The following WAC variants were observed in gnomAD, a reference collection of about 807,000 sequenced individuals.
WAC encodes WW domain-containing adapter protein with coiled-coil.
A neutral mutation model predicts 79.6 loss-of-function variants in WAC; 11 were observed. The observed-to-expected ratio is 0.14, with a 90% confidence interval of 0.09 to 0.23. WAC has a LOEUF of 0.23. Ranked by LOEUF, WAC falls within the 10% of genes least tolerant of loss-of-function variation. WAC has a pLI of 1.00. For synonymous variants in WAC, 304 were observed against 276.9 expected (o/e 1.10, Z -0.97); for missense variants, 728 against 773.5 (o/e 0.94, Z 0.70).
At chr10:28,604,771 A>G (rs562335876) in intron 7 of WAC, among the ~76,000 whole-genome samples, 134 of 152,340 alleles carry the variant, frequency 8.8e-4, no homozygotes, top group African/African-American at 3.0e-3. Flanking sequence ...TCATGTTCCT[A>G]GTACAAAGGA....
At position 28,535,667 on chromosome 10, in the gene WAC, T is replaced by A. The variant is rs1325859072; in HGVS notation, c.184T>A (p.Ser62Thr). ...PSPPNKMLRRSDSPENKYSDS... is the reference protein window; with the variant it reads ...PSPPNKMLRRTDSPENKYSDS... ...ACCACCAAATAAAATGTTGCGGAGATCTGATAGTCCTGAAAACAAATACAG... is the reference window on the plus strand; with the variant it reads ...ACCACCAAATAAAATGTTGCGGAGAACTGATAGTCCTGAAAACAAATACAG... Residue 62 changes from serine (S) to threonine (T), a missense_variant, in exon 3 of 14, where the codon TCT becomes ACT. By Grantham distance (58) the Ser-to-Thr change is moderately conservative. Transcript: ENST00000354911. 6.2e-7 allele frequency: 1 copy of A among 1,614,042 alleles called. No homozygotes were observed. The highest frequency in any genetic ancestry group is 8.5e-7 in the Non-Finnish European group (1 of 1,179,998).
intron 3 of WAC, among the ~76,000 whole-genome samples, chr10:28,542,600 C>G (rs1021148971): frequency 1.3e-5 from 2 of 152,152 alleles, no homozygotes; most frequent in Non-Finnish European, 2.9e-5. Flanking sequence ...GGTTGCAGTT[C>G]ATGAATTACT....
intron 3 of WAC, among the ~76,000 whole-genome samples, chr10:28,576,359 T>C (rs1839245076): frequency 6.6e-6 from 1 of 152,198 alleles, no homozygotes; most frequent in African/African-American, 2.4e-5. Flanking sequence ...GTGTTTCATC[T>C]AGCGTTTATC....
At chr10:28,617,409 A>T (rs767529615) in intron 12 of WAC, among the ~76,000 whole-genome samples, 1 of 152,238 alleles carries the variant, frequency 6.6e-6, no homozygotes, top group Non-Finnish European at 1.5e-5. Flanking sequence ...GTGCTGTATT[A>T]GCTTCAGGTT....
intron 3 of WAC, among the ~76,000 whole-genome samples, chr10:28,561,255 A>T (rs984676920): frequency 6.6e-6 from 1 of 152,198 alleles, no homozygotes; most frequent in African/African-American, 2.4e-5. Flanking sequence ...ATACAAGGTG[A>T]TGATCAGCTA....
At chr10:28,577,177 T>C (rs1162458776) in intron 3 of WAC, among the ~76,000 whole-genome samples, 5 of 152,202 alleles carry the variant, frequency 3.3e-5, no homozygotes, top group Middle Eastern at 3.2e-3. Flanking sequence ...TTTCTTGATA[T>C]ACAGTTGGTA....
intron 3 of WAC, among the ~76,000 whole-genome samples, chr10:28,572,992 G>T (rs1380695377): frequency 6.6e-6 from 1 of 152,132 alleles, no homozygotes; most frequent in Non-Finnish European, 1.5e-5. Context: ...CCACAGGTGG[G>T]CCCCCACCTA....
At chr10:28,617,615 T>C (rs1841527992) in intron 12 of WAC, 42 bp from the exon 13 acceptor site, 5 of 1,503,216 alleles carry the variant, frequency 3.3e-6, no homozygotes, top group Non-Finnish European at 4.4e-6. Context: ...TTGTGTATGT[T>C]AATGTTTATA....
chr10:28,594,017 ATACCTCCCC>A (rs1163761824), intron 6 of WAC, among the ~76,000 whole-genome samples: 6 of 152,224 alleles, frequency 3.9e-5, no homozygotes, highest in Non-Finnish European at 8.8e-5. Context: ...TGCCAGTAGC[ATACCTCCCC>A]TCTCTCCAGT....
Position 28,621,277 on chromosome 10 carries a change from G to A in WAC, c.*1671G>A, listed in dbSNP as rs1203667777. The A allele has an allele frequency of 6.8e-6, 1 of 147,224 alleles. No individual in the cohort carries two copies. The highest frequency in any genetic ancestry group is 1.5e-5 in the Non-Finnish European group (1 of 67,178). 9.1% of individuals were successfully genotyped at this position (147,224 alleles called of 1,614,324 possible). Reference sequence around the variant, plus strand: ...GTGCTTCCAAAACTGGCAGCACCAAGGGCTTATTTTTTATGTTAGACATCA... The same window carrying A: ...GTGCTTCCAAAACTGGCAGCACCAAAGGCTTATTTTTTATGTTAGACATCA... On this transcript the variant is annotated 3_prime_UTR_variant, in exon 14 of 14. Coordinates refer to ENST00000354911, the MANE Select transcript of WAC (RefSeq NM_016628.5).
intron 3 of WAC, among the ~76,000 whole-genome samples, chr10:28,538,994 C>G (rs1248695375): frequency 6.6e-6 from 1 of 151,904 alleles, no homozygotes; most frequent in Non-Finnish European, 1.5e-5. Context: ...CAGCAGGTTA[C>G]TTACTATATG....
At position 28,574,867 on chromosome 10, in the gene WAC, T is replaced by C. The variant is rs78850605; in HGVS notation, c.275-8532T>C. Among the ~76,000 whole-genome samples, 135 of 152,332 alleles carry C rather than the reference T, an allele frequency of 8.9e-4. 5 individuals are homozygous for C. In the East Asian group the frequency reaches 0.023, roughly 26 times the overall value. On this transcript the variant is annotated intron_variant, in intron 3 of 13. Coordinates refer to ENST00000354911, the MANE Select transcript of WAC (RefSeq NM_016628.5). ...CTGATTGGTTGGTCGGTGGTTTTTT[T>C]CATCTCTTTTTCACTGCTTTATTCT...
chr10:28,566,539 T>C (rs1431927377), intron 3 of WAC, among the ~76,000 whole-genome samples: 5 of 152,348 alleles, frequency 3.3e-5, no homozygotes, highest in South Asian at 2.1e-4. Context: ...ATTTTTCTTA[T>C]GATTGTCTGT....
At chr10:28,543,562 G>A (rs571103829) in intron 3 of WAC, among the ~76,000 whole-genome samples, 1 of 152,222 alleles carries the variant, frequency 6.6e-6, no homozygotes, top group African/African-American at 2.4e-5. Flanking sequence ...CTGTTGGCCT[G>A]TCTGGCTTTT....
chr10:28,561,742 C>T (rs1005969858), intron 3 of WAC, among the ~76,000 whole-genome samples: 1 of 152,166 alleles, frequency 6.6e-6, no homozygotes, highest in Admixed American at 6.5e-5. Context: ...GTTGAGCAAG[C>T]ATTGGAGCCG....
At chr10:28,580,012 C>G (rs1195466431) in intron 3 of WAC, among the ~76,000 whole-genome samples, 1 of 152,126 alleles carries the variant, frequency 6.6e-6, no homozygotes, top group Non-Finnish European at 1.5e-5. Flanking sequence ...ATATCTTTAT[C>G]TTACTCCTCA....
At chr10:28,575,747 A>G (rs151280020) in intron 3 of WAC, among the ~76,000 whole-genome samples, 250 of 152,316 alleles carry the variant, frequency 1.6e-3, no homozygotes, top group Middle Eastern at 3.4e-3. Context: ...ATGATTAGCA[A>G]CATTCTATGT....
intron 3 of WAC, among the ~76,000 whole-genome samples, chr10:28,554,875 A>G (rs911811719): frequency 1.3e-5 from 2 of 152,070 alleles, no homozygotes; most frequent in African/African-American, 4.8e-5. Flanking sequence ...TCTTTCCATC[A>G]GCTCCTTTTG....
intron 7 of WAC, among the ~76,000 whole-genome samples, chr10:28,607,048 C>G (rs780693533): frequency 1.3e-5 from 2 of 152,190 alleles, no homozygotes; most frequent in Middle Eastern, 3.4e-3. Context: ...CTTGAATTTC[C>G]TAGGCATTCA....
Sources: gnomAD v4.1 joint callset for allele counts (sites outside exome capture counted in the v4.1 genomes callset) on GRCh38, gnomAD v4.1.1 for gene constraint, MANE v1.5 for transcripts, NCBI Gene and HGNC (gene_info 2026-07-23, HGNC 2026-07-21) for gene names.